PPP3CA: variants seen among roughly 807,000 people sequenced by gnomAD.
PPP3CA encodes CAM-PRP catalytic subunit.
In PPP3CA, 14 loss-of-function variants were observed where a neutral mutation model predicts 66.5. That is an observed-to-expected ratio of 0.21 (90% confidence interval 0.14 to 0.33). The LOEUF (loss-of-function observed/expected upper bound fraction) is 0.33. PPP3CA is among the 10% of genes least tolerant of loss of function. The pLI, the probability that PPP3CA is intolerant of heterozygous loss-of-function variation, is 1.00. For missense variants in PPP3CA, 317 were observed against 639.5 expected, an observed-to-expected ratio of 0.50 and a Z score of 5.44; for synonymous variants, 232 against 226.2, an observed-to-expected ratio of 1.03 and a Z score of -0.23.
At chr4:101,106,453 GAGAAAA>G (rs1336907779) in intron 3 of PPP3CA, among the ~76,000 whole-genome samples, 1 of 35,512 alleles carries the variant, frequency 2.8e-5, no homozygotes, top group African/African-American at 1.4e-4. Context: ...AAGAAAGAAA[GAGAAAA>G]GAAAAGAAAA....
chr4:101,316,185 T>G (rs1247240978), intron 1 of PPP3CA, among the ~76,000 whole-genome samples: 1 of 151,568 alleles, frequency 6.6e-6, no homozygotes, highest in East Asian at 1.9e-4. Context: ...GAGCTAAAAA[T>G]CAGAGTTGTG....
chr4:101,144,554 G>T (rs1445412492), intron 2 of PPP3CA, among the ~76,000 whole-genome samples: 2 of 152,086 alleles, frequency 1.3e-5, no homozygotes, highest in African/African-American at 2.4e-5. Context: ...TATTCACTTT[G>T]AAGTCTGTTA....
chr4:101,081,830 T>C (rs1729452951), intron 7 of PPP3CA, among the ~76,000 whole-genome samples: 1 of 152,228 alleles, frequency 6.6e-6, no homozygotes, highest in African/African-American at 2.4e-5. Context: ...ATTATGGAAC[T>C]GAGCTTCGTT....
chr4:101,035,512 T>C (rs1727204683), intron 11 of PPP3CA, among the ~76,000 whole-genome samples: 1 of 152,216 alleles, frequency 6.6e-6, no homozygotes, highest in Non-Finnish European at 1.5e-5. Context: ...ATCTCAGTCA[T>C]AAGACTGATG....
chr4:101,026,116 G>A, intron 13 of PPP3CA, 55 bp from the exon 14 acceptor site: 11 of 1,428,982 alleles, frequency 7.7e-6, no homozygotes, highest in Non-Finnish European at 1.0e-5. Flanking sequence ...GGAAAACAAA[G>A]GGCACAGCTG....
chr4:101,109,839 A>G (rs1469179172), intron 2 of PPP3CA, among the ~76,000 whole-genome samples: 4 of 152,054 alleles, frequency 2.6e-5, no homozygotes, highest in Non-Finnish European at 5.9e-5. Context: ...TGGAAGAGCT[A>G]TTTTGTCTCT....
intron 12 of PPP3CA, among the ~76,000 whole-genome samples, chr4:101,030,953 T>G (rs547309555): frequency 2.3e-5 from 3 of 131,032 alleles, no homozygotes; most frequent in East Asian, 3.9e-4. Context: ...AGAAAAACTT[T>G]TGTGTGTGTT....
chr4:101,028,599 CA>C (rs962912252), intron 13 of PPP3CA, among the ~76,000 whole-genome samples: 3 of 152,156 alleles, frequency 2.0e-5, no homozygotes, highest in Admixed American at 6.5e-5. Context: ...AATTCTCATA[CA>C]AATACCAGTA....
chr4:101,194,389 A>C (rs145770444), intron 2 of PPP3CA, among the ~76,000 whole-genome samples: 76 of 152,276 alleles, frequency 5.0e-4, no homozygotes, highest in African/African-American at 1.7e-3. Flanking sequence ...ACTAATATAT[A>C]TGAAATACTT....
At chr4:101,272,752 TAAAC>T (rs1186575135) in intron 1 of PPP3CA, among the ~76,000 whole-genome samples, 1 of 152,216 alleles carries the variant, frequency 6.6e-6, no homozygotes, top group Non-Finnish European at 1.5e-5. Flanking sequence ...AAGTGTTTAT[TAAAC>T]AAAAACTCTC....
At chr4:101,195,683 C>T (rs1399136740) in intron 2 of PPP3CA, among the ~76,000 whole-genome samples, 1 of 152,124 alleles carries the variant, frequency 6.6e-6, no homozygotes, top group East Asian at 1.9e-4. Flanking sequence ...AAATCATCAC[C>T]ATCTCTAAGT....
chr4:101,092,605 G>A (rs2110248647), intron 6 of PPP3CA, among the ~76,000 whole-genome samples: 1 of 151,888 alleles, frequency 6.6e-6, no homozygotes, highest in East Asian at 1.9e-4. Context: ...CCCCCTGACA[G>A]GCCCTGGTGT....
Position 101,198,405 on chromosome 4 carries a change from G to A in PPP3CA, c.59-2289C>T, listed in dbSNP as rs189130518. Among the ~76,000 whole-genome samples the A allele has an allele frequency of 1.4e-3, 210 of 152,292 alleles. 2 individuals are homozygous for A. The highest frequency in any genetic ancestry group is 0.013 in the Admixed American group (204 of 15,286). On this transcript the variant is annotated intron_variant, in intron 1 of 13. Coordinates refer to ENST00000394854, the MANE Select transcript of PPP3CA (RefSeq NM_000944.5). ...AAGATATGGGCTGGGGGCTAGAAAG[G>A]GGTAAACTTCAAAAGGATGCTTGTG...
At chr4:101,187,724 C>A (rs1176762925) in intron 2 of PPP3CA, among the ~76,000 whole-genome samples, 1 of 152,078 alleles carries the variant, frequency 6.6e-6, no homozygotes, top group Non-Finnish European at 1.5e-5. Flanking sequence ...TCAAACTTTA[C>A]CTTTTAAAAT....
At chr4:101,229,633 G>C (rs1411458077) in intron 1 of PPP3CA, among the ~76,000 whole-genome samples, 1 of 151,442 alleles carries the variant, frequency 6.6e-6, no homozygotes, top group African/African-American at 2.4e-5. Flanking sequence ...AAAAAAAAAT[G>C]AATCAAAAGG....
chr4:101,287,393 A>G (rs1385714782), intron 1 of PPP3CA, among the ~76,000 whole-genome samples: 6 of 152,254 alleles, frequency 3.9e-5, no homozygotes, highest in African/African-American at 1.4e-4. Context: ...CAAAAGATAT[A>G]GAAATTAAAA....
intron 2 of PPP3CA, among the ~76,000 whole-genome samples, chr4:101,118,298 A>T (rs374246777): frequency 2.2e-4 from 34 of 152,092 alleles, no homozygotes; most frequent in African/African-American, 7.2e-4. Context: ...TCCACCACCC[A>T]ATCAGCTGAG....
chr4:101,144,113 G>C (rs970052604), intron 2 of PPP3CA, among the ~76,000 whole-genome samples: 1 of 152,034 alleles, frequency 6.6e-6, no homozygotes, highest in Admixed American at 6.6e-5. Flanking sequence ...TGTCTGTCTT[G>C]GTTCAAGCGC....
intron 1 of PPP3CA, among the ~76,000 whole-genome samples, chr4:101,253,743 T>C (rs1726750080): frequency 6.6e-6 from 1 of 152,094 alleles, no homozygotes; most frequent in Non-Finnish European, 1.5e-5. Flanking sequence ...CTCCATCCTC[T>C]ACCCCACACT....
Sources: allele counts gnomAD v4.1 joint callset (sites outside exome capture counted in the v4.1 genomes callset), GRCh38; gene constraint gnomAD v4.1.1; transcripts MANE v1.5; gene names NCBI Gene and HGNC (gene_info 2026-07-23, HGNC 2026-07-21).